The following AKR1D1 variants were observed in gnomAD, a reference collection of about 807,000 sequenced individuals.
AKR1D1 encodes the protein aldo-keto reductase family 1 member D1.
In AKR1D1, 32 loss-of-function variants were observed where a neutral mutation model predicts 42.6. The ratio of observed to expected loss-of-function variants is 0.75; its 90% CI spans 0.57 to 1.01. The LOEUF (loss-of-function observed/expected upper bound fraction) is 1.01. AKR1D1 is among the 50% of genes least tolerant of loss of function. The probability of loss-of-function intolerance (pLI) is 0.00; values close to 1 mark genes in which losing one functional copy is unlikely to be tolerated. For synonymous variants in AKR1D1, 123 were observed against 135.5 expected (o/e 0.91, Z 0.64); for missense variants, 364 against 402.2 (o/e 0.91, Z 0.81).
intron 7 of AKR1D1, among the ~76,000 whole-genome samples, chr7:138,113,293 G>A (rs895641302): frequency 1.3e-5 from 2 of 151,292 alleles, no homozygotes; most frequent in African/African-American, 4.9e-5. Flanking sequence ...TCCAGCCTGG[G>A]TGACAGAGTA....
At chr7:138,100,384 C>T (rs1033345933) in intron 4 of AKR1D1, among the ~76,000 whole-genome samples, 1 of 152,116 alleles carries the variant, frequency 6.6e-6, no homozygotes, top group Non-Finnish European at 1.5e-5. Context: ...TCCCACTATA[C>T]ATTATACACA....
intron 4 of AKR1D1, among the ~76,000 whole-genome samples, chr7:138,101,262 C>A (rs1041593131): frequency 4.0e-5 from 6 of 149,384 alleles, no homozygotes; most frequent in Non-Finnish European, 8.9e-5. Context: ...TGCAGTGGCG[C>A]AATCTCAGCT....
intron 4 of AKR1D1, among the ~76,000 whole-genome samples, chr7:138,104,805 C>A (rs1409391156): frequency 1.3e-5 from 2 of 152,122 alleles, no homozygotes; most frequent in African/African-American, 4.8e-5. Flanking sequence ...GTTGCTCAGG[C>A]TGGAGTGCAG....
intron 1 of AKR1D1, among the ~76,000 whole-genome samples, chr7:138,085,395 C>A (rs1803151404): frequency 6.6e-6 from 1 of 151,648 alleles, no homozygotes; most frequent in Admixed American, 6.6e-5. Context: ...GTGGACTACA[C>A]TCCTACCTTA....
In AKR1D1 at chr7:138,076,617, C is replaced by G. The variant is rs748847040; in HGVS notation, c.93+6C>G. ...CCTACTCAGAACCTAAATCGGTAAG[C>G]TTATTTTTTCTCTCTTTGCTTGCTT... On this transcript the variant is annotated splice_donor_region_variant and intron_variant, in intron 1 of 8. Coordinates refer to ENST00000242375, the MANE Select transcript of AKR1D1 (RefSeq NM_005989.4). 5.6e-6 allele frequency: 9 copies of G among 1,600,436 alleles called. No individual in the cohort carries two copies. In the East Asian group the frequency reaches 2.0e-4, roughly 36 times the overall value.
chr7:138,076,665 C>A, intron 1 of AKR1D1, 54 bp downstream of exon 1: 4 of 1,444,716 alleles, frequency 2.8e-6, no homozygotes, highest in African/African-American at 1.4e-5. Context: ...TAACATTTGC[C>A]TATAGCATAA....
chr7:138,107,197 A>G, intron 6 of AKR1D1: 1 of 720,874 alleles, frequency 1.4e-6, no homozygotes, highest in South Asian at 1.4e-5. Flanking sequence ...TACCCTCTGA[A>G]GGAGGCAGCT....
intron 3 of AKR1D1, among the ~76,000 whole-genome samples, chr7:138,092,557 T>G (rs1321127359): frequency 1.3e-5 from 2 of 152,240 alleles, no homozygotes; most frequent in Non-Finnish European, 2.9e-5. Flanking sequence ...CATGGTAGAC[T>G]GCATTACTTT....
chr7:138,097,822 A>G, intron 3 of AKR1D1, 44 bp from the exon 4 acceptor site: 1 of 1,407,004 alleles, frequency 7.1e-7, no homozygotes, highest in African/African-American at 1.5e-5. Context: ...ATTCCCAGAT[A>G]TAAATAAAAT....
chr7:138,099,948 G>A (rs1794257947), intron 4 of AKR1D1, among the ~76,000 whole-genome samples: 2 of 151,230 alleles, frequency 1.3e-5, no homozygotes, highest in South Asian at 4.2e-4. Context: ...CACGGGTGAG[G>A]TGACCTGTAG....
intron 1 of AKR1D1, among the ~76,000 whole-genome samples, chr7:138,085,152 G>A (rs915799478): frequency 1.3e-5 from 2 of 149,846 alleles, no homozygotes; most frequent in Non-Finnish European, 3.0e-5. Context: ...GTACAAAATA[G>A]TAATACATCT....
intron 3 of AKR1D1, 151 bp from the exon 4 acceptor site, chr7:138,097,715 C>A: frequency 1.4e-6 from 1 of 692,842 alleles, no homozygotes; most frequent in Non-Finnish European, 2.4e-6. Context: ...TCCAGCTGGG[C>A]CGCTATGACA....
chr7:138,109,011 C>T (rs930820978), intron 7 of AKR1D1, among the ~76,000 whole-genome samples: 16 of 152,140 alleles, frequency 1.1e-4, no homozygotes, highest in African/African-American at 3.9e-4. Context: ...CACATATATA[C>T]ATGGGTGCAC....
chr7:138,093,241 G>A (rs1039474690), intron 3 of AKR1D1, among the ~76,000 whole-genome samples: 2 of 151,856 alleles, frequency 1.3e-5, no homozygotes, highest in Admixed American at 6.6e-5. Context: ...GCTAAGTTTT[G>A]TATTTTTAGT....
intron 4 of AKR1D1, among the ~76,000 whole-genome samples, chr7:138,100,963 C>T (rs1000092124): frequency 6.6e-6 from 1 of 151,934 alleles, no homozygotes; most frequent in Non-Finnish European, 1.5e-5. Flanking sequence ...CTCCGCCTCT[C>T]AAAGTGCTGA....
At chr7:138,102,642 C>T (rs1314565989) in intron 4 of AKR1D1, among the ~76,000 whole-genome samples, 2 of 152,104 alleles carry the variant, frequency 1.3e-5, no homozygotes, top group African/African-American at 4.8e-5. Context: ...ATGACAGTGC[C>T]ATATTAGCAT....
intron 7 of AKR1D1, 58 bp downstream of exon 7, chr7:138,107,638 T>C: frequency 1.3e-6 from 2 of 1,583,622 alleles, no homozygotes; most frequent in Non-Finnish European, 1.7e-6. Context: ...TTTTTGCTTT[T>C]ATAGAATGTG....
In AKR1D1 at chr7:138,117,938, G is replaced by A. The variant is rs1794671889; in HGVS notation, c.*1276G>A. The A allele has an allele frequency of 2.6e-5, 4 of 152,210 alleles. No individual in the cohort carries two copies. The South Asian group carries it at 8.3e-4, about 32-fold the overall frequency. 9.4% of individuals were successfully genotyped at this position (152,210 alleles called of 1,614,324 possible). A position where few individuals can be genotyped will look rare whatever the true frequency, so the allele number is the denominator to read the frequency against. Reference sequence around the variant, plus strand: ...GGAGGCTGAGGCAGAAGAATGGCATGAACCCGGGAGGAGGAGCTTGCAGTG... The same window carrying A: ...GGAGGCTGAGGCAGAAGAATGGCATAAACCCGGGAGGAGGAGCTTGCAGTG... On this transcript the variant is annotated 3_prime_UTR_variant, in exon 9 of 9. Transcript: ENST00000242375.
intron 4 of AKR1D1, among the ~76,000 whole-genome samples, chr7:138,100,929 C>T (rs1055845213): frequency 3.3e-5 from 5 of 151,940 alleles, no homozygotes; most frequent in African/African-American, 1.2e-4. Flanking sequence ...TGGTCTTGAT[C>T]TCCTGACCTT....
Sources: allele counts gnomAD v4.1 joint callset (sites outside exome capture counted in the v4.1 genomes callset), GRCh38; gene constraint gnomAD v4.1.1; transcripts MANE v1.5; gene names NCBI Gene and HGNC (gene_info 2026-07-23, HGNC 2026-07-21).